TADA3: variants seen among roughly 807,000 people sequenced by gnomAD.
TADA3 encodes the protein transcriptional adapter 3.
A neutral mutation model predicts 43.2 loss-of-function variants in TADA3; 25 were observed. That is an observed-to-expected ratio of 0.58 (90% confidence interval 0.42 to 0.81). TADA3 has a LOEUF of 0.81. Ranked by LOEUF, TADA3 falls within the 30% of genes least tolerant of loss-of-function variation. TADA3 has a pLI of 0.00. For synonymous variants in TADA3, 235 were observed against 225.5 expected (o/e 1.04, Z -0.38); for missense variants, 441 against 567.8 (o/e 0.78, Z 2.27).
chr3:9,783,444 C>T (rs1268711477), intron 8 of TADA3: 1 of 151,898 alleles, frequency 6.6e-6, no homozygotes, highest in African/African-American at 2.4e-5. Flanking sequence ...CTCAGCCTCC[C>T]ATGGAGATAC....
upstream of TADA3, chr3:9,792,474 G>C: frequency 8.4e-7 from 1 of 1,195,944 alleles, no homozygotes; most frequent in Admixed American, 4.5e-5. Flanking sequence ...CCCCGGAACT[G>C]GCTATGGGCG....
chr3:9,786,722 A>G (rs1248811848), intron 6 of TADA3, among the ~76,000 whole-genome samples: 2 of 152,186 alleles, frequency 1.3e-5, no homozygotes, highest in Non-Finnish European at 2.9e-5. Flanking sequence ...GGGGCATGAG[A>G]GGGGCTTCTA....
upstream of TADA3, chr3:9,792,825 G>C: frequency 7.4e-7 from 1 of 1,357,424 alleles, no homozygotes; most frequent in Admixed American, 3.6e-5. Flanking sequence ...TGCATACCTG[G>C]GGGAGGCTGT....
chr3:9,787,913 C>T (rs761436021), intron 4 of TADA3: 9 of 369,256 alleles, frequency 2.4e-5, no homozygotes, highest in Non-Finnish European at 4.2e-5. Context: ...GAGAGAAGAG[C>T]TTGCCAGAGG....
intron 4 of TADA3, among the ~76,000 whole-genome samples, chr3:9,788,992 T>C (rs2078679175): frequency 1.3e-5 from 2 of 152,110 alleles, no homozygotes; most frequent in South Asian, 4.1e-4. Context: ...CACACCGCCA[T>C]GCCTGGCTAA....
chr3:9,782,730 G>T (rs2078506731), intron 8 of TADA3, among the ~76,000 whole-genome samples: 1 of 150,364 alleles, frequency 6.7e-6, no homozygotes, highest in African/African-American at 2.4e-5. Context: ...GGCGGAGGTT[G>T]CAGTGAGCCG....
chr3:9,782,563 T>C lies in TADA3; in HGVS notation c.1106+1465A>G, dbSNP rs187177845. On this transcript the variant is annotated intron_variant, in intron 8 of 8. Transcript: ENST00000301964. The stretch of plus-strand genomic sequence containing the variant: ...CTTATCTTTACTGATCATCTGCTAG[T>C]AATCTGCAAGTCCCTTGCTCTGCCT... Among the ~76,000 whole-genome samples, 242 of 152,332 alleles carry C rather than the reference T, an allele frequency of 1.6e-3. 3 individuals carry two copies. The highest frequency in any genetic ancestry group is 0.01 in the Admixed American group (159 of 15,300).
chr3:9,789,166 G>T (rs537310894), intron 4 of TADA3, among the ~76,000 whole-genome samples: 1 of 152,294 alleles, frequency 6.6e-6, no homozygotes, highest in African/African-American at 2.4e-5. Flanking sequence ...AAGAAGAAAG[G>T]TTCCTCCAGA....
chr3:9,781,298 C>T (rs1244819442), intron 8 of TADA3, among the ~76,000 whole-genome samples: 3 of 151,874 alleles, frequency 2.0e-5, no homozygotes, highest in Non-Finnish European at 2.9e-5. Context: ...TATATATATA[C>T]ATACACACAC....
chr3:9,784,870 A>G (rs2078569657), intron 7 of TADA3, among the ~76,000 whole-genome samples: 1 of 152,014 alleles, frequency 6.6e-6, no homozygotes, highest in Admixed American at 6.6e-5. Flanking sequence ...ATCTCAAAAA[A>G]AAAAAAAGAA....
At chr3:9,781,686 T>C (rs2078469454) in intron 8 of TADA3, 7 of 433,076 alleles carry the variant, frequency 1.6e-5, no homozygotes, top group Admixed American at 4.8e-5. Context: ...CACTTAGTGA[T>C]TGAGTCCAGC....
Position 9,789,936 on chromosome 3 carries a change from C to G in TADA3, c.235G>C (p.Gly79Arg). The change falls in exon 3 of 9, where the codon GGT becomes CGT. Residue 79 changes from glycine to arginine, a missense_variant. Coordinates refer to ENST00000301964, the MANE Select transcript of TADA3 (RefSeq NM_006354.5). ...CCCAGCTTCAGGAATCGTCTGTCAC[C>G]TTTCTTATCCTGCCAGTCGGTGAGG... is the stretch of plus-strand genomic sequence containing the variant. ...QILTDWQDKK[G>R]DRRFLKLGRD... The G allele has an allele frequency of 6.2e-7, 1 of 1,604,732 alleles. No homozygotes were observed. The highest frequency in any genetic ancestry group is 8.5e-7 in the Non-Finnish European group (1 of 1,175,954).
chr3:9,792,870 G>A, upstream of TADA3: 4 of 1,379,984 alleles, frequency 2.9e-6, no homozygotes, highest in South Asian at 1.7e-5. Flanking sequence ...GGCACAAAGG[G>A]AAGCTGCACC....
chr3:9,792,994 G>A, upstream of TADA3: 2 of 1,474,068 alleles, frequency 1.4e-6, no homozygotes, highest in Admixed American at 2.5e-5. Context: ...TCTCTACCCC[G>A]CTCGGAGCAT....
rs2078537040 is a variant in TADA3 at position 9,783,762 on chromosome 3, T to C, written c.1106+266A>G. The C allele has an allele frequency of 6.9e-6, 3 of 435,302 alleles. No individual in the cohort carries two copies. In the South Asian group the frequency reaches 1.1e-4, roughly 16 times the overall value. 27.0% of individuals were successfully genotyped at this position (435,302 alleles called of 1,614,324 possible). A position where few individuals can be genotyped will look rare whatever the true frequency, so the allele number is the denominator to read the frequency against. On this transcript the variant is annotated intron_variant, in intron 8 of 8. Coordinates refer to ENST00000301964, the MANE Select transcript of TADA3 (RefSeq NM_006354.5). ...CACTGCACTCCAGCCTGGGTGACAG[T>C]GCGAGACTCCCTCTCAAAAAAAAAC...
intron 2 of TADA3, 116 bp from the exon 3 acceptor site, chr3:9,790,079 CCT>C (rs1354842203): frequency 2.5e-5 from 31 of 1,262,006 alleles, no homozygotes; most frequent in Non-Finnish European, 3.3e-5. Flanking sequence ...CTTTCCCCAT[CCT>C]CTTTTTACCT....
chr3:9,790,226 T>C (rs2125627116), intron 2 of TADA3, among the ~76,000 whole-genome samples: 1 of 152,312 alleles, frequency 6.6e-6, no homozygotes, highest in East Asian at 1.9e-4. Context: ...CCCATGCCAG[T>C]CACATACTGT....
intron 2 of TADA3, 37 bp from the exon 3 acceptor site, chr3:9,790,000 G>A (rs2078697641): frequency 6.5e-7 from 1 of 1,544,110 alleles, no homozygotes; most frequent in African/African-American, 1.4e-5. Flanking sequence ...GGGGGAGAAG[G>A]GAAAACACAG....
In TADA3 at chr3:9,783,891, G is replaced by A. The variant is rs1326430373; in HGVS notation, c.1106+137C>T. 10 of 1,407,392 alleles carry A rather than the reference G, an allele frequency of 7.1e-6. No homozygotes were observed. In the South Asian group the frequency reaches 9.3e-5, roughly 13 times the overall value. 87.2% of individuals were successfully genotyped at this position (1,407,392 alleles called of 1,614,324 possible). On this transcript the variant is annotated intron_variant, in intron 8 of 8. Transcript: ENST00000301964. Reference sequence around the variant, plus strand: ...CATACCCGGTGGACTGGCCACTGCTGTTTTTTTCGAGGCTCTCCAGGTGAT... The same window carrying A: ...CATACCCGGTGGACTGGCCACTGCTATTTTTTTCGAGGCTCTCCAGGTGAT...
Sources: allele counts gnomAD v4.1 joint callset (sites outside exome capture counted in the v4.1 genomes callset), GRCh38; gene constraint gnomAD v4.1.1; transcripts MANE v1.5; gene names NCBI Gene and HGNC (gene_info 2026-07-23, HGNC 2026-07-21).